ARMC12: variants seen among roughly 807,000 people sequenced by gnomAD.
ARMC12 encodes the protein armadillo repeat containing 12.
Under a neutral mutation model 37.4 loss-of-function variants are expected in ARMC12, and 25 were observed. The observed-to-expected ratio is 0.67, with a 90% confidence interval of 0.49 to 0.93. ARMC12 has a LOEUF of 0.93. Among genes scored for constraint, ARMC12 ranks in the 40% least tolerant of loss-of-function variants. ARMC12 has a pLI of 0.00. For synonymous variants in ARMC12, 167 were observed against 176.1 expected, an observed-to-expected ratio of 0.95 and a Z score of 0.41; for missense variants, 384 against 426.6, an observed-to-expected ratio of 0.90 and a Z score of 0.88.
At chr6:35,736,119 C>G (rs899699406), upstream of ARMC12, among the ~76,000 whole-genome samples, 6 of 152,200 alleles carry the variant, frequency 3.9e-5, no homozygotes, top group Non-Finnish European at 8.8e-5. Context: ...ATGACTTAAA[C>G]CACCTGCTAA....
Position 35,738,502 on chromosome 6 carries a change from T to G in ARMC12, c.428T>G (p.Phe143Cys). The change falls in exon 3 of 6, where the codon TTC becomes TGC. Residue 143 changes from phenylalanine to cysteine, a missense_variant. Phe to Cys is a radical substitution (Grantham distance 205). Coordinates refer to ENST00000373866, the MANE Select transcript of ARMC12 (RefSeq NM_001286574.2). The part of the protein sequence containing the change: ...TLKAFSGIRK[F>C]RLKIQEHSIK... Reference sequence around the variant, plus strand: ...AAAGCTTTCTCTGGCATCAGAAAATTCAGGCTCAAAATCCAGGTGAGCCCA... The same window carrying G: ...AAAGCTTTCTCTGGCATCAGAAAATGCAGGCTCAAAATCCAGGTGAGCCCA... The G allele has an allele frequency of 6.2e-7, 1 of 1,614,006 alleles. No individual in the cohort carries two copies. The highest frequency in any genetic ancestry group is 8.5e-7 in the Non-Finnish European group (1 of 1,180,002).
At chr6:35,732,758 T>G (rs928135416), upstream of ARMC12, among the ~76,000 whole-genome samples, 8 of 152,192 alleles carry the variant, frequency 5.3e-5, no homozygotes, top group African/African-American at 1.9e-4. Context: ...GAACACAGTT[T>G]AGGGGAATGT....
chr6:35,738,457 C>G lies in ARMC12; in HGVS notation c.383C>G (p.Thr128Ser). Residue 128 changes from threonine (T) to serine (S), a missense_variant, in exon 3 of 6, where the codon ACC (threonine) becomes AGC (serine). Physicochemically the swap from Thr to Ser is moderately conservative, Grantham distance 58 (BLOSUM62 1). Transcript: ENST00000373866. The stretch of plus-strand genomic sequence containing the variant: ...GATGACAAGGACAACAGTGTCAAAA[C>G]CCAAGCTCTGAATACACTTAAAGCT... ...MLDDKDNSVK[T>S]QALNTLKAFS... 1 of 1,613,970 alleles carries G rather than the reference C, an allele frequency of 6.2e-7. No individual in the cohort carries two copies. The highest frequency in any genetic ancestry group is 1.1e-5 in the South Asian group (1 of 91,066).
chr6:35,748,428 G>A, intron 5 of ARMC12, 110 bp from the exon 6 acceptor site: 1 of 879,440 alleles, frequency 1.1e-6, no homozygotes, highest in Non-Finnish European at 1.6e-6. Flanking sequence ...ATATACTCGA[G>A]TCTGAAATTT....
chr6:35,739,118 G>A (rs764361840), intron 3 of ARMC12, among the ~76,000 whole-genome samples: 8 of 152,160 alleles, frequency 5.3e-5, no homozygotes, highest in African/African-American at 1.2e-4. Context: ...GTGTCAGGGC[G>A]CGGAGCTTCC....
rs1767388907 is a variant in ARMC12, at chr6:35,747,789, A to C, written c.690+142A>C. ...CTCTGCACTAAATGCACTGAAAATCATGCCTCTTCTGTTCCCCCCAGTAGA... is the reference window on the plus strand; with the variant it reads ...CTCTGCACTAAATGCACTGAAAATCCTGCCTCTTCTGTTCCCCCCAGTAGA... On this transcript the variant is annotated intron_variant, in intron 5 of 5. Transcript: ENST00000373866. The C allele has an allele frequency of 3.5e-6, 3 of 853,644 alleles. No homozygotes were observed. The South Asian group carries it at 5.2e-5, about 15-fold the overall frequency. The allele number at this position is 853,644 out of a possible 1,614,324, so 52.9% of individuals were successfully genotyped here.
intron 1 of ARMC12, 116 bp from the exon 2 acceptor site, chr6:35,737,911 G>C: frequency 7.0e-7 from 1 of 1,436,930 alleles, no homozygotes; most frequent in Non-Finnish European, 9.6e-7. Flanking sequence ...TGGCGAGAAG[G>C]CTTCTCCGAA....
In ARMC12 at chr6:35,738,022, T is replaced by C; in HGVS notation, c.164-5T>C. Reference sequence around the variant, plus strand: ...AGCCTGAACTGGGCTGGGGTGGCTGTCTAGGCCTGGCAGTCGAGCGAGAGC... The same window carrying C: ...AGCCTGAACTGGGCTGGGGTGGCTGCCTAGGCCTGGCAGTCGAGCGAGAGC... On this transcript the variant is annotated splice_region_variant and splice_polypyrimidine_tract_variant and intron_variant, in intron 1 of 5. Transcript: ENST00000373866. 1 of 1,612,606 alleles carries C rather than the reference T, an allele frequency of 6.2e-7. No homozygotes were observed. Among genetic ancestry groups the C allele is most frequent in the Middle Eastern group, 1.7e-4 (1 of 6,036 alleles).
chr6:35,738,021 G>A lies in ARMC12; in HGVS notation c.164-6G>A. Reference sequence around the variant, plus strand: ...CAGCCTGAACTGGGCTGGGGTGGCTGTCTAGGCCTGGCAGTCGAGCGAGAG... The same window carrying A: ...CAGCCTGAACTGGGCTGGGGTGGCTATCTAGGCCTGGCAGTCGAGCGAGAG... On this transcript the variant is annotated splice_region_variant and splice_polypyrimidine_tract_variant and intron_variant, in intron 1 of 5. Coordinates refer to ENST00000373866, the MANE Select transcript of ARMC12 (RefSeq NM_001286574.2). The A allele has an allele frequency of 4.3e-6, 7 of 1,612,602 alleles. No homozygotes were observed. The highest frequency in any genetic ancestry group is 5.9e-6 in the Non-Finnish European group (7 of 1,180,026).
At chr6:35,738,252 C>G in intron 2 of ARMC12, 80 bp downstream of exon 2, 5 of 1,295,684 alleles carry the variant, frequency 3.9e-6, no homozygotes, top group South Asian at 1.2e-5. Flanking sequence ...AATGGCCAGA[C>G]TATATCCTGG....
intron 3 of ARMC12, among the ~76,000 whole-genome samples, chr6:35,739,638 C>T (rs563565660): frequency 1.8e-3 from 268 of 152,296 alleles, no homozygotes; most frequent in African/African-American, 6.1e-3. Context: ...CCAGGAAAGG[C>T]CTAGGCAAAA....
chr6:35,738,323 G>C (rs1010856706), intron 2 of ARMC12, 61 bp from the exon 3 acceptor site: 8 of 1,575,774 alleles, frequency 5.1e-6, no homozygotes, highest in Non-Finnish European at 6.9e-6. Flanking sequence ...GGTGACATGG[G>C]GGGCAGTGGG....
In ARMC12 at chr6:35,748,797, A is replaced by G. The variant is rs757228688; in HGVS notation, c.950A>G (p.Gln317Arg). The G allele has an allele frequency of 7.4e-6, 12 of 1,614,126 alleles. No individual in the cohort carries two copies. The highest frequency in any genetic ancestry group is 2.5e-6 in the Non-Finnish European group (3 of 1,180,048). The change falls in exon 6 of 6, where the codon CAG becomes CGG. Residue 317 changes from glutamine to arginine, a missense_variant. Gln to Arg is a conservative substitution (Grantham distance 43). Transcript: ENST00000373866. ...GCCTGCAAGGTCATTGTCAGCCTGC[A>G]GTATCCCCAGGACTTGAGAGCCCGG... ...IQACKVIVSL[Q>R]YPQDLRARPS...
chr6:35,734,568 C>T (rs1026263878), upstream of ARMC12, among the ~76,000 whole-genome samples: 3 of 152,076 alleles, frequency 2.0e-5, no homozygotes, highest in Non-Finnish European at 4.4e-5. Context: ...TTTGGGAGGC[C>T]GAGGCAGGCG....
At chr6:35,745,875 G>T (rs1037374802) in intron 3 of ARMC12, among the ~76,000 whole-genome samples, 1 of 152,020 alleles carries the variant, frequency 6.6e-6, no homozygotes, top group Non-Finnish European at 1.5e-5. Flanking sequence ...GCGAAAACCC[G>T]TCTCTACTAA....
chr6:35,733,377 CTG>C (rs1344757917), upstream of ARMC12, among the ~76,000 whole-genome samples: 2 of 152,180 alleles, frequency 1.3e-5, no homozygotes, highest in Admixed American at 6.5e-5. Flanking sequence ...TTGTTGAGCT[CTG>C]TGTGTTGGGC....
intron 3 of ARMC12, among the ~76,000 whole-genome samples, chr6:35,746,816 G>A (rs941889966): frequency 2.6e-5 from 4 of 152,254 alleles, no homozygotes; most frequent in Middle Eastern, 3.4e-3. Context: ...CAGGTCTGGG[G>A]ATGGGGGAGC....
At position 35,738,152 on chromosome 6, in the gene ARMC12, G is replaced by T; in HGVS notation, c.289G>T (p.Val97Leu). 1.2e-6 allele frequency: 2 copies of T among 1,613,190 alleles called. No homozygotes were observed. Among genetic ancestry groups the T allele is most frequent in the South Asian group, 2.2e-5 (2 of 91,076 alleles). Residue 97 changes from valine (V) to leucine (L), a missense_variant, in exon 2 of 6, where the codon GTG (valine) becomes TTG (leucine). Transcript: ENST00000373866. Reference protein sequence around the residue: ...SMILHSITRCVYLLEAEASAC... With the variant: ...SMILHSITRCLYLLEAEASAC... ...GATCCTGCACAGTATCACTCGCTGT[G>T]TGTACTTGCTGGAGGCTGAGGTAAG...
rs529125075 is a variant in ARMC12, at chr6:35,745,772, G to A, written c.445-1489G>A. 1.2e-4 allele frequency among the ~76,000 whole-genome samples: 19 copies of A among 152,280 alleles called. No homozygotes were observed. The East Asian group carries it at 3.1e-3, about 25-fold the overall frequency. The stretch of plus-strand genomic sequence containing the variant: ...AATCATTTCAAAATAAAGGCCGGGC[G>A]CGGAGGCTCAGGCCTGTAAACCCAG... On this transcript the variant is annotated intron_variant, in intron 3 of 5. Coordinates refer to ENST00000373866, the MANE Select transcript of ARMC12 (RefSeq NM_001286574.2).
Sources: gnomAD v4.1 joint callset for allele counts (sites outside exome capture counted in the v4.1 genomes callset) on GRCh38, gnomAD v4.1.1 for gene constraint, MANE v1.5 for transcripts, NCBI Gene and HGNC (gene_info 2026-07-23, HGNC 2026-07-21) for gene names.